Variants in UBE2E2 observed in about 807,000 individuals in gnomAD.
UBE2E2 encodes ubiquitin-conjugating enzyme E2 E2.
In UBE2E2, 6 loss-of-function variants were observed where a neutral mutation model predicts 24.7. That is an observed-to-expected ratio of 0.24 (90% confidence interval 0.13 to 0.48). The LOEUF (loss-of-function observed/expected upper bound fraction) is 0.48, where lower values mean the gene tolerates loss of function less well. Among genes scored for constraint, UBE2E2 ranks in the 20% least tolerant of loss-of-function variants. The pLI is 0.99. For missense variants in UBE2E2, 169 were observed against 245.0 expected (o/e 0.69, Z 2.07); for synonymous variants, 104 against 83.6 (o/e 1.24, Z -1.33).
intron 3 of UBE2E2, among the ~76,000 whole-genome samples, chr3:23,366,585 A>G (rs1231358612): frequency 6.6e-6 from 1 of 152,156 alleles, no homozygotes; most frequent in East Asian, 1.9e-4. Context: ...ATGCACACAA[A>G]TAAGGGTACA....
At chr3:23,449,995 A>G (rs897089449) in intron 3 of UBE2E2, 59 of 914,956 alleles carry the variant, frequency 6.4e-5, no homozygotes, top group Non-Finnish European at 7.6e-5. Context: ...CCACGTGAGT[A>G]CAGCAATGGC....
intron 3 of UBE2E2, among the ~76,000 whole-genome samples, chr3:23,275,772 A>G (rs1288216546): frequency 2.0e-5 from 3 of 152,134 alleles, no homozygotes; most frequent in Admixed American, 1.3e-4. Flanking sequence ...GGAAAGAATG[A>G]TTAGAAACTT....
intron 3 of UBE2E2, among the ~76,000 whole-genome samples, chr3:23,418,834 G>A (rs1697718751): frequency 6.6e-6 from 1 of 152,152 alleles, no homozygotes; most frequent in South Asian, 2.1e-4. Context: ...TGGTATTTAA[G>A]TTATGCTGTT....
intron 2 of UBE2E2, among the ~76,000 whole-genome samples, chr3:23,211,576 G>A (rs1468033709): frequency 6.6e-6 from 1 of 151,802 alleles, no homozygotes; most frequent in Non-Finnish European, 1.5e-5. Context: ...TGTATTTTTT[G>A]TAGGGATGGG....
At chr3:23,526,491 G>A (rs527819005) in intron 4 of UBE2E2, among the ~76,000 whole-genome samples, 4 of 152,280 alleles carry the variant, frequency 2.6e-5, no homozygotes, top group African/African-American at 7.2e-5. Context: ...GGCTCTTTAT[G>A]TATGCCAGGC....
At chr3:23,230,502 T>G (rs1167740524) in intron 3 of UBE2E2, among the ~76,000 whole-genome samples, 1 of 152,190 alleles carries the variant, frequency 6.6e-6, no homozygotes, top group African/African-American at 2.4e-5. Flanking sequence ...GGAGAAGAGT[T>G]GGCTGGGCGC....
intron 3 of UBE2E2, among the ~76,000 whole-genome samples, chr3:23,393,751 A>G (rs1380765745): frequency 6.6e-6 from 1 of 152,192 alleles, no homozygotes; most frequent in African/African-American, 2.4e-5. Context: ...TCCACAAGCT[A>G]AAAATGGCTT....
intron 3 of UBE2E2, among the ~76,000 whole-genome samples, chr3:23,305,594 C>T (rs1457550571): frequency 6.6e-6 from 1 of 152,166 alleles, no homozygotes; most frequent in Non-Finnish European, 1.5e-5. Flanking sequence ...ACTTCCTTGA[C>T]TCCCTGAAAA....
intron 3 of UBE2E2, among the ~76,000 whole-genome samples, chr3:23,331,738 A>C (rs1695064625): frequency 6.6e-6 from 1 of 151,932 alleles, no homozygotes; most frequent in Non-Finnish European, 1.5e-5. Flanking sequence ...AGAGAGAGGA[A>C]GTAGGGGATT....
chr3:23,492,091 C>G (rs960405312), intron 3 of UBE2E2, among the ~76,000 whole-genome samples: 7 of 152,022 alleles, frequency 4.6e-5, no homozygotes, highest in Non-Finnish European at 1.0e-4. Flanking sequence ...GGGTAGAACC[C>G]CTAAGTAGGC....
At chr3:23,258,756 G>C (rs1476392899) in intron 3 of UBE2E2, among the ~76,000 whole-genome samples, 2 of 151,854 alleles carry the variant, frequency 1.3e-5, no homozygotes, top group Non-Finnish European at 2.9e-5. Context: ...AGCCGGGCGT[G>C]GTGGCGGGCG....
At chr3:23,380,453 T>C (rs1325318056) in intron 3 of UBE2E2, among the ~76,000 whole-genome samples, 1 of 152,184 alleles carries the variant, frequency 6.6e-6, no homozygotes, top group South Asian at 2.1e-4. Context: ...CTTGAACTCT[T>C]TGCCTCAAGT....
intron 5 of UBE2E2, among the ~76,000 whole-genome samples, chr3:23,560,476 T>C (rs1234986246): frequency 6.6e-6 from 1 of 152,070 alleles, no homozygotes; most frequent in Non-Finnish European, 1.5e-5. Context: ...TTGATGGACA[T>C]TTGGGTTGGT....
intron 4 of UBE2E2, among the ~76,000 whole-genome samples, chr3:23,502,810 A>G (rs1430795657): frequency 8.5e-5 from 13 of 152,168 alleles, no homozygotes; most frequent in Non-Finnish European, 1.0e-4. Flanking sequence ...TGAATTTCTT[A>G]TATGTTTATG....
chr3:23,360,608 C>T (rs1160884395), intron 3 of UBE2E2, among the ~76,000 whole-genome samples: 1 of 152,060 alleles, frequency 6.6e-6, no homozygotes, highest in East Asian at 1.9e-4. Flanking sequence ...GCTTCAGGTT[C>T]ATGGTGAATT....
At chr3:23,522,919 C>A (rs1262603759) in intron 4 of UBE2E2, among the ~76,000 whole-genome samples, 1 of 151,740 alleles carries the variant, frequency 6.6e-6, no homozygotes, top group Non-Finnish European at 1.5e-5. Flanking sequence ...TGAGAATGAA[C>A]TCACACTCAA....
intron 3 of UBE2E2, among the ~76,000 whole-genome samples, chr3:23,277,143 G>C (rs367871255): frequency 6.6e-6 from 1 of 152,090 alleles, no homozygotes; most frequent in Non-Finnish European, 1.5e-5. Context: ...ATGGTTGGCA[G>C]CTGTACACTA....
intron 3 of UBE2E2, among the ~76,000 whole-genome samples, chr3:23,285,666 A>G (rs1326648478): frequency 3.9e-5 from 6 of 152,298 alleles, no homozygotes; most frequent in Admixed American, 3.3e-4. Context: ...TGCCATTTGT[A>G]TGTCTTCTTT....
chr3:23,584,553 A>G lies in UBE2E2; in HGVS notation c.509-5181A>G, dbSNP rs570675835. On this transcript the variant is annotated intron_variant, in intron 5 of 5. Transcript: ENST00000396703. ...GAAGAGGTAGATTACGCAATATGAC[A>G]ATCTTTTTTTTTTTTTCTGGAAAGA... 2.2e-4 allele frequency among the ~76,000 whole-genome samples: 30 copies of G among 136,870 alleles called. 1 individual carries two copies. The East Asian group carries it at 6.1e-3, about 28-fold the overall frequency. 89.8% of individuals were successfully genotyped at this position (136,870 alleles called of 152,430 possible). A position where few individuals can be genotyped will look rare whatever the true frequency, so the allele number is the denominator to read the frequency against.
Sources: gnomAD v4.1 joint callset for allele counts (sites outside exome capture counted in the v4.1 genomes callset) on GRCh38, gnomAD v4.1.1 for gene constraint, MANE v1.5 for transcripts, NCBI Gene and HGNC (gene_info 2026-07-23, HGNC 2026-07-21) for gene names.